GPC5: variants seen among roughly 807,000 people sequenced by gnomAD.
The protein encoded by GPC5 is glypican-5.
A neutral mutation model predicts 53.9 loss-of-function variants in GPC5; 47 were observed. That is an observed-to-expected ratio of 0.87 (90% CI 0.69 to 1.11). The LOEUF (loss-of-function observed/expected upper bound fraction) is 1.11, where lower values mean the gene tolerates loss of function less well. GPC5 is among the 50% of genes most tolerant of loss of function. The pLI, the probability that GPC5 is intolerant of heterozygous loss-of-function variation, is 0.00. For synonymous variants in GPC5, 286 were observed against 263.3 expected (o/e 1.09, Z -0.84); for missense variants, 748 against 713.1 (o/e 1.05, Z -0.56).
intron 5 of GPC5, among the ~76,000 whole-genome samples, chr13:91,810,399 G>A (rs1339592453): frequency 2.0e-5 from 3 of 151,952 alleles, no homozygotes; most frequent in Non-Finnish European, 2.9e-5. Context: ...TTATGTTATA[G>A]TGCCAGGGAA....
chr13:91,668,604 T>C (rs2035172131), intron 2 of GPC5, among the ~76,000 whole-genome samples: 1 of 152,126 alleles, frequency 6.6e-6, no homozygotes, highest in Non-Finnish European at 1.5e-5. Context: ...TCTTTTGATG[T>C]ATATTCTCTA....
intron 5 of GPC5, among the ~76,000 whole-genome samples, chr13:91,849,496 G>T (rs1325093446): frequency 6.9e-6 from 1 of 144,738 alleles, no homozygotes; most frequent in Non-Finnish European, 1.5e-5. Context: ...TATATTCAGA[G>T]ATTTTTTTTT....
intron 2 of GPC5, among the ~76,000 whole-genome samples, chr13:91,454,891 G>A (rs1193632554): frequency 2.0e-5 from 3 of 151,938 alleles, no homozygotes; most frequent in African/African-American, 4.8e-5. Flanking sequence ...TCCTGAGCTG[G>A]GACTACAGCC....
intron 6 of GPC5, among the ~76,000 whole-genome samples, chr13:91,943,994 T>C (rs2039951922): frequency 6.6e-6 from 1 of 152,112 alleles, no homozygotes; most frequent in African/African-American, 2.4e-5. Flanking sequence ...CCACAATGAG[T>C]GGCAATTAAA....
chr13:91,913,201 C>G (rs1485920888), intron 6 of GPC5, among the ~76,000 whole-genome samples: 1 of 152,084 alleles, frequency 6.6e-6, no homozygotes, highest in African/African-American at 2.4e-5. Context: ...GAGTTTGAGA[C>G]CAGCCTGGCC....
intron 7 of GPC5, among the ~76,000 whole-genome samples, chr13:92,185,341 G>GAT (rs2042176189): frequency 6.6e-6 from 1 of 152,106 alleles, no homozygotes. Context: ...TATGGACATA[G>GAT]ATATCACTTA....
intron 7 of GPC5, among the ~76,000 whole-genome samples, chr13:92,714,476 A>G (rs1888258274): frequency 6.6e-6 from 1 of 152,196 alleles, no homozygotes; most frequent in Admixed American, 6.5e-5. Context: ...TATAAAGAAC[A>G]TTGCCATCAA....
At chr13:92,753,718 G>T (rs766847790) in intron 7 of GPC5, among the ~76,000 whole-genome samples, 52 of 152,056 alleles carry the variant, frequency 3.4e-4, no homozygotes, top group Non-Finnish European at 6.6e-4. Flanking sequence ...TCAACTGGAA[G>T]AAAGGTATCA....
intron 6 of GPC5, among the ~76,000 whole-genome samples, chr13:92,113,658 C>T (rs1046566812): frequency 7.9e-5 from 12 of 151,914 alleles, no homozygotes; most frequent in Admixed American, 2.6e-4. Context: ...TCCAGAAATA[C>T]CATATACAAG....
intron 2 of GPC5, among the ~76,000 whole-genome samples, chr13:91,464,718 A>G (rs997210300): frequency 4.6e-5 from 7 of 152,070 alleles, no homozygotes; most frequent in Non-Finnish European, 8.8e-5. Flanking sequence ...AAGGGATAGT[A>G]TGAGGGAGCT....
rs146090230 is a variant in GPC5, at chr13:92,200,340, C to T, written c.1561+55351C>T. Among the ~76,000 whole-genome samples, 14 of 152,264 alleles carry T rather than the reference C, an allele frequency of 9.2e-5. No individual in the cohort carries two copies. The East Asian group carries it at 2.3e-3, about 25-fold the overall frequency. On this transcript the variant is annotated intron_variant, in intron 7 of 7. Transcript: ENST00000377067. ...CATTTGCTGTCAAACAAAACAATTA[C>T]GGCTGTATTACCCTTAATCATAAAC... is the stretch of plus-strand genomic sequence containing the variant.
intron 7 of GPC5, among the ~76,000 whole-genome samples, chr13:92,720,797 G>A (rs1888487454): frequency 6.6e-6 from 1 of 152,080 alleles, no homozygotes; most frequent in Non-Finnish European, 1.5e-5. Context: ...GCAAACTTGT[G>A]CAAAGGGTGT....
chr13:92,069,855 T>C (rs975442212), intron 6 of GPC5, among the ~76,000 whole-genome samples: 3 of 152,170 alleles, frequency 2.0e-5, no homozygotes, highest in Non-Finnish European at 2.9e-5. Context: ...ATGTCTTGAA[T>C]TTATACTCTA....
At chr13:92,831,078 T>A (rs1229759682) in intron 7 of GPC5, among the ~76,000 whole-genome samples, 1 of 152,138 alleles carries the variant, frequency 6.6e-6, no homozygotes, top group Non-Finnish European at 1.5e-5. Context: ...GAAAGCTTAC[T>A]TTCACAAAGA....
intron 6 of GPC5, chr13:91,996,557 AC>A (rs2040505663): frequency 6.6e-6 from 1 of 152,258 alleles, no homozygotes; most frequent in Non-Finnish European, 1.5e-5. Context: ...AGCAAAAAGT[AC>A]AATAAACTAA....
chr13:92,589,913 A>G (rs1194071272), intron 7 of GPC5, among the ~76,000 whole-genome samples: 1 of 152,204 alleles, frequency 6.6e-6, no homozygotes, highest in Non-Finnish European at 1.5e-5. Context: ...CAAATTAACT[A>G]GTTCACTGCT....
intron 2 of GPC5, among the ~76,000 whole-genome samples, chr13:91,633,520 A>C (rs958230312): frequency 6.6e-6 from 1 of 152,168 alleles, no homozygotes; most frequent in Non-Finnish European, 1.5e-5. Flanking sequence ...GGTGAGAAAC[A>C]TATGTGATTT....
At chr13:91,450,342 A>G (rs1285137634) in intron 2 of GPC5, among the ~76,000 whole-genome samples, 1 of 152,252 alleles carries the variant, frequency 6.6e-6, no homozygotes. Flanking sequence ...TTTTCTTCCA[A>G]TGAAAAGGAT....
intron 7 of GPC5, among the ~76,000 whole-genome samples, chr13:92,188,552 A>G (rs1259290627): frequency 1.3e-5 from 2 of 152,134 alleles, no homozygotes; most frequent in Non-Finnish European, 2.9e-5. Flanking sequence ...ATGGTATGAA[A>G]TAAAAGTAAG....
Sources: allele counts gnomAD v4.1 joint callset (sites outside exome capture counted in the v4.1 genomes callset), GRCh38; gene constraint gnomAD v4.1.1; transcripts MANE v1.5; gene names NCBI Gene and HGNC (gene_info 2026-07-23, HGNC 2026-07-21).